Variants in ZNF888 observed in about 807,000 individuals in gnomAD.
ZNF888 encodes the protein CTD-2331H12.6.
In ZNF888, 5 loss-of-function variants were observed where a neutral mutation model predicts 7.2. The ratio of observed to expected loss-of-function variants is 0.70; its 90% CI spans 0.36 to 1.46. The LOEUF (loss-of-function observed/expected upper bound fraction) is 1.46, where lower values mean the gene tolerates loss of function less well. Ranked by LOEUF, ZNF888 falls within the 40% of genes most tolerant of loss-of-function variation. The probability of loss-of-function intolerance (pLI) is 0.03; values close to 1 mark genes in which losing one functional copy is unlikely to be tolerated. For synonymous variants in ZNF888, 240 were observed against 284.3 expected (o/e 0.84, Z 1.57); for missense variants, 716 against 858.0 (o/e 0.83, Z 2.07).
At position 52,913,619 on chromosome 19, in the gene ZNF888, C is replaced by T. The variant is rs114471791; in HGVS notation, c.142+1577G>A. Reference sequence around the variant, plus strand: ...GATTATAGGCGTGAGCCACTGTACCCGGCCAGGTTACAGAAATTTTAAGTT... The same window carrying T: ...GATTATAGGCGTGAGCCACTGTACCTGGCCAGGTTACAGAAATTTTAAGTT... On this transcript the variant is annotated intron_variant, in intron 4 of 4. Transcript: ENST00000638862. The T allele has an allele frequency of 2.2e-3, 1,588 of 736,532 alleles. 22 individuals are homozygous for T. In the African/African-American group the frequency reaches 0.028, roughly 13 times the overall value. 45.6% of individuals were successfully genotyped at this position (736,532 alleles called of 1,614,324 possible). A position where few individuals can be genotyped will look rare whatever the true frequency, so the allele number is the denominator to read the frequency against.
chr19:52,906,133 G>A lies in ZNF888; in HGVS notation c.*32C>T. On this transcript the variant is annotated 3_prime_UTR_variant, in exon 5 of 5. Coordinates refer to ENST00000638862, the MANE Select transcript of ZNF888 (RefSeq NM_001393938.1). The stretch of plus-strand genomic sequence containing the variant: ...TCTTCAATGATTTGCAATGGTTGTA[G>A]CGTTACTGAAGACTTGGTGACAATC... 6.2e-7 allele frequency: 1 copy of A among 1,612,122 alleles called. No homozygotes were observed. Among genetic ancestry groups the A allele is most frequent in the Non-Finnish European group, 8.5e-7 (1 of 1,178,648 alleles).
chr19:52,912,443 A>G (rs1175185777), intron 4 of ZNF888, among the ~76,000 whole-genome samples: 1 of 150,304 alleles, frequency 6.7e-6, no homozygotes, highest in Admixed American at 6.6e-5. Context: ...ACATTGAGAC[A>G]GGCCGGGCAC....
intron 4 of ZNF888, among the ~76,000 whole-genome samples, chr19:52,912,216 C>T (rs891459449): frequency 5.3e-5 from 8 of 150,614 alleles, no homozygotes; most frequent in African/African-American, 2.0e-4. Flanking sequence ...CGGGTTAGCG[C>T]CATTCTCCTG....
intron 3 of ZNF888, among the ~76,000 whole-genome samples, chr19:52,916,682 G>C (rs2064755602): frequency 6.7e-6 from 1 of 149,618 alleles, no homozygotes; most frequent in Admixed American, 6.7e-5. Flanking sequence ...TTGTTTAAGT[G>C]AAGAGGAATC....
intron 4 of ZNF888, 68 bp from the exon 5 acceptor site, chr19:52,908,247 A>C: frequency 7.0e-7 from 1 of 1,424,392 alleles, no homozygotes; most frequent in Non-Finnish European, 9.9e-7. Flanking sequence ...AAACGTGTAA[A>C]TATGACACCA....
At chr19:52,912,227 C>T (rs1249000103) in intron 4 of ZNF888, among the ~76,000 whole-genome samples, 3 of 150,898 alleles carry the variant, frequency 2.0e-5, no homozygotes, top group Non-Finnish European at 4.4e-5. Context: ...CATTCTCCTG[C>T]CTCAGCCTCC....
At chr19:52,922,808 G>A (rs931063017) in intron 1 of ZNF888, among the ~76,000 whole-genome samples, 1 of 152,176 alleles carries the variant, frequency 6.6e-6, no homozygotes, top group Middle Eastern at 3.2e-3. Flanking sequence ...AGAACACCCC[G>A]TGTCACAGGA....
intron 4 of ZNF888, among the ~76,000 whole-genome samples, chr19:52,912,344 AC>A (rs1241707822): frequency 4.6e-4 from 69 of 148,992 alleles, no homozygotes; most frequent in African/African-American, 1.5e-3. Flanking sequence ...CTATCTCCTG[AC>A]CTCGTGATCC....
At chr19:52,923,000 T>C (rs1420842876) in intron 1 of ZNF888, among the ~76,000 whole-genome samples, 2 of 151,996 alleles carry the variant, frequency 1.3e-5, no homozygotes, top group Non-Finnish European at 2.9e-5. Flanking sequence ...GGGACTGTGG[T>C]GTCAGCGCTG....
chr19:52,923,414 G>A lies in ZNF888; in HGVS notation c.-223C>T, dbSNP rs2147944098. On this transcript the variant is annotated 5_prime_UTR_variant, in exon 1 of 5. Coordinates refer to ENST00000638862, the MANE Select transcript of ZNF888 (RefSeq NM_001393938.1). ...TCCACGCGATCCGCTTCCTGGTCCG[G>A]GCGAATCTACAAGCACAGGACAGAA... 1.0e-6 allele frequency: 1 copy of A among 985,420 alleles called. No individual in the cohort carries two copies. Among genetic ancestry groups the A allele is most frequent in the Admixed American group, 6.1e-5 (1 of 16,268 alleles). The allele number at this position is 985,420 out of a possible 1,614,324, so 61.0% of individuals were successfully genotyped here.
chr19:52,919,971 C>T (rs2064804483), intron 1 of ZNF888, among the ~76,000 whole-genome samples: 1 of 57,000 alleles, frequency 1.8e-5, no homozygotes, highest in Non-Finnish European at 3.9e-5. Flanking sequence ...GGCCAGCCGC[C>T]CCGTCCGGGA....
Position 52,911,976 on chromosome 19 carries a change from C to A in ZNF888, c.142+3220G>T, listed in dbSNP as rs559792273. Among the ~76,000 whole-genome samples the A allele has an allele frequency of 1.6e-4, 24 of 148,234 alleles. No homozygotes were observed. The East Asian group carries it at 5.0e-3, about 31-fold the overall frequency. ...GGACTACAGGCACCCGCCACCACAC[C>A]CTAATTTTTTGTATTTTTAGTAGAG... On this transcript the variant is annotated intron_variant, in intron 4 of 4. Transcript: ENST00000638862.
intron 3 of ZNF888, among the ~76,000 whole-genome samples, chr19:52,915,727 G>A (rs573319235): frequency 6.6e-6 from 1 of 152,064 alleles, no homozygotes; most frequent in Non-Finnish European, 1.5e-5. Context: ...TGCCCACCTC[G>A]GCCTCCCAAA....
chr19:52,914,509 A>G, intron 4 of ZNF888: 1 of 215,484 alleles, frequency 4.6e-6, no homozygotes, highest in Non-Finnish European at 7.9e-6. Flanking sequence ...ATCTAGGAAA[A>G]TATTTCTCAA....
intron 4 of ZNF888, among the ~76,000 whole-genome samples, chr19:52,909,758 A>T (rs2064654833): frequency 6.6e-6 from 1 of 152,206 alleles, no homozygotes; most frequent in African/African-American, 2.4e-5. Context: ...TAAGAAAAAA[A>T]CCACAACTTG....
chr19:52,917,591 C>T (rs1271646616), intron 3 of ZNF888, among the ~76,000 whole-genome samples: 1 of 152,108 alleles, frequency 6.6e-6, no homozygotes, highest in Non-Finnish European at 1.5e-5. Context: ...ACACCACTGA[C>T]ACCATAGGAC....
chr19:52,907,490 C>T lies in ZNF888; in HGVS notation c.832G>A (p.Val278Ile). The part of the protein sequence containing the change: ...KPYMCNKCGK[V>I]FNKKAYLARH... ...GCAAGGTATGCTTTTTTATTAAAAA[C>T]CTTGCCACATTTATTACACATGTAA... Residue 278 changes from valine to isoleucine, a missense_variant, in exon 5 of 5, where the codon GTT becomes ATT. Physicochemically the swap from Val to Ile is conservative, Grantham distance 29. Transcript: ENST00000638862. The T allele has an allele frequency of 6.2e-7, 1 of 1,603,624 alleles. No individual in the cohort carries two copies. Among genetic ancestry groups the T allele is most frequent in the Non-Finnish European group, 8.5e-7 (1 of 1,175,758 alleles).
At chr19:52,918,562 C>T (rs377141670) in intron 2 of ZNF888, among the ~76,000 whole-genome samples, 30 of 152,044 alleles carry the variant, frequency 2.0e-4, no homozygotes, top group African/African-American at 7.2e-4. Context: ...TTGAGGTCAG[C>T]GTTCAAGACC....
chr19:52,922,729 G>A (rs181536010), intron 1 of ZNF888, among the ~76,000 whole-genome samples: 63 of 152,256 alleles, frequency 4.1e-4, no homozygotes, highest in African/African-American at 1.3e-3. Flanking sequence ...CACAATCACA[G>A]GAGGGTTTGG....
Sources: gnomAD v4.1 joint callset for allele counts (sites outside exome capture counted in the v4.1 genomes callset) on GRCh38, gnomAD v4.1.1 for gene constraint, MANE v1.5 for transcripts, NCBI Gene and HGNC (gene_info 2026-07-23, HGNC 2026-07-21) for gene names.